The following CPNE4 variants were observed in gnomAD, a reference collection of about 807,000 sequenced individuals.
The protein encoded by CPNE4 is copine-4.
In CPNE4, 25 loss-of-function variants were observed where a neutral mutation model predicts 67.9. The ratio of observed to expected loss-of-function variants is 0.37; its 90% CI spans 0.27 to 0.51. The LOEUF is 0.51. Among genes scored for constraint, CPNE4 ranks in the 20% least tolerant of loss-of-function variants. The pLI is 0.93. For synonymous variants in CPNE4, 242 were observed against 244.9 expected, an observed-to-expected ratio of 0.99 and a Z score of 0.11; for missense variants, 464 against 690.8, an observed-to-expected ratio of 0.67 and a Z score of 3.68.
intron 7 of CPNE4, among the ~76,000 whole-genome samples, chr3:131,668,721 C>T (rs561920045): frequency 3.9e-5 from 6 of 152,240 alleles, no homozygotes; most frequent in South Asian, 2.1e-4. Flanking sequence ...CAACAAGGAA[C>T]GTCTAGACTT....
chr3:131,742,248 T>C (rs188483560), intron 2 of CPNE4, among the ~76,000 whole-genome samples: 1 of 152,310 alleles, frequency 6.6e-6, no homozygotes, highest in Admixed American at 6.5e-5. Flanking sequence ...ACAATAAGGC[T>C]GGATAAGGGA....
At chr3:131,650,607 T>C (rs2079786873) in intron 7 of CPNE4, among the ~76,000 whole-genome samples, 1 of 148,844 alleles carries the variant, frequency 6.7e-6, no homozygotes, top group Non-Finnish European at 1.5e-5. Flanking sequence ...TAGCCGGGCG[T>C]GGTGGTGGGC....
At chr3:131,564,614 A>G (rs752997518) in intron 10 of CPNE4, among the ~76,000 whole-genome samples, 1 of 152,156 alleles carries the variant, frequency 6.6e-6, no homozygotes, top group South Asian at 2.1e-4. Flanking sequence ...CATAGATCAG[A>G]AAGCCCAGAT....
chr3:131,892,096 G>A (rs903008857), intron 2 of CPNE4, among the ~76,000 whole-genome samples: 1 of 152,016 alleles, frequency 6.6e-6, no homozygotes, highest in African/African-American at 2.4e-5. Flanking sequence ...GAGTTCACGG[G>A]ACTCCATCTT....
chr3:131,594,771 T>C (rs1328980961), intron 7 of CPNE4, among the ~76,000 whole-genome samples: 1 of 152,228 alleles, frequency 6.6e-6, no homozygotes, highest in Non-Finnish European at 1.5e-5. Flanking sequence ...ACCTATGGAA[T>C]GGCATAAAAT....
At position 131,976,824 on chromosome 3, in the gene CPNE4, CAG is replaced by C. The variant is rs370692764; in HGVS notation, c.-2+57741_-2+57742del. Among the ~76,000 whole-genome samples, 137 of 149,548 alleles carry C rather than the reference CAG, an allele frequency of 9.2e-4. 4 individuals are homozygous for C. In the South Asian group the frequency reaches 0.028, roughly 30 times the overall value. On this transcript the variant is annotated intron_variant, in intron 1 of 15. Coordinates refer to ENST00000429747, the MANE Select transcript of CPNE4 (RefSeq NM_130808.3). ...CTTTTTTTTTTTTCTTTTTTTGAGA[CAG>C]AGTCTCACCGTGTCACCCAGGCTGG... is the stretch of plus-strand genomic sequence containing the variant.
chr3:131,741,370 G>A (rs1479816271), intron 2 of CPNE4, among the ~76,000 whole-genome samples: 1 of 152,136 alleles, frequency 6.6e-6, no homozygotes, highest in Non-Finnish European at 1.5e-5. Flanking sequence ...ATGAGATAAA[G>A]CTAGACAGTC....
At chr3:131,610,879 T>C (rs1939797595) in intron 7 of CPNE4, among the ~76,000 whole-genome samples, 1 of 152,116 alleles carries the variant, frequency 6.6e-6, no homozygotes, top group African/African-American at 2.4e-5. Context: ...GGGGAGTGGA[T>C]GGAAGACAAG....
At chr3:131,569,653 C>CAAA (rs71133700) in intron 10 of CPNE4, among the ~76,000 whole-genome samples, 2 of 96,396 alleles carry the variant, frequency 2.1e-5, no homozygotes. Context: ...ACAAAAAAAA[C>CAAA]AAAAAAAAAC....
intron 12 of CPNE4, among the ~76,000 whole-genome samples, 198 bp downstream of exon 12, chr3:131,555,299 A>T (rs1020979105): frequency 3.9e-5 from 6 of 152,036 alleles, no homozygotes; most frequent in Non-Finnish European, 1.5e-5. Flanking sequence ...GACCCATCCA[A>T]AATACCAGGA....
intron 7 of CPNE4, among the ~76,000 whole-genome samples, chr3:131,592,619 G>GTATACA (rs1389777966): frequency 6.7e-6 from 1 of 149,044 alleles, no homozygotes; most frequent in Non-Finnish European, 1.5e-5. Context: ...ATATATATGT[G>GTATACA]TGTGTATATA....
chr3:131,774,218 T>C (rs1488434990), intron 2 of CPNE4, among the ~76,000 whole-genome samples: 1 of 151,922 alleles, frequency 6.6e-6, no homozygotes, highest in East Asian at 1.9e-4. Context: ...AAACCCCAAA[T>C]GGCCTTTTGT....
chr3:131,609,359 C>G (rs1190822512), intron 7 of CPNE4, among the ~76,000 whole-genome samples: 2 of 152,152 alleles, frequency 1.3e-5, no homozygotes, highest in Non-Finnish European at 2.9e-5. Context: ...CATTTCCTAG[C>G]CATTTGACTA....
intron 7 of CPNE4, among the ~76,000 whole-genome samples, chr3:131,656,423 T>C (rs1285651445): frequency 6.6e-6 from 1 of 152,124 alleles, no homozygotes; most frequent in Non-Finnish European, 1.5e-5. Flanking sequence ...AATGAGTAGA[T>C]AAGAGGGGTA....
intron 6 of CPNE4, among the ~76,000 whole-genome samples, chr3:131,685,373 G>C (rs1434020361): frequency 6.6e-6 from 1 of 151,136 alleles, no homozygotes; most frequent in Non-Finnish European, 1.5e-5. Context: ...GGTTAGAAAG[G>C]CTCTTCTGAC....
At chr3:132,015,486 CTCTCT>C (rs897648080) in intron 1 of CPNE4, among the ~76,000 whole-genome samples, 3 of 149,380 alleles carry the variant, frequency 2.0e-5, no homozygotes, top group Non-Finnish European at 3.0e-5. Flanking sequence ...AAAAAGAGTC[CTCTCT>C]TCTAATTCCT....
At chr3:131,704,138 G>A (rs1052175609) in intron 3 of CPNE4, among the ~76,000 whole-genome samples, 10 of 152,052 alleles carry the variant, frequency 6.6e-5, no homozygotes, top group South Asian at 4.1e-4. Context: ...CAACCACTAC[G>A]GAGAACTAAG....
chr3:131,871,244 G>A (rs757959272), intron 2 of CPNE4, among the ~76,000 whole-genome samples: 1 of 152,142 alleles, frequency 6.6e-6, no homozygotes, highest in African/African-American at 2.4e-5. Flanking sequence ...AACTGAAGAT[G>A]GAACAGGAGA....
chr3:132,001,564 A>AAAGAAAGG, intron 1 of CPNE4, among the ~76,000 whole-genome samples: 1 of 134,596 alleles, frequency 7.4e-6, no homozygotes, highest in East Asian at 2.1e-4. Context: ...AGAAAGAAAG[A>AAAGAAAGG]AAGAAAGAAA....
Sources: allele counts gnomAD v4.1 joint callset (sites outside exome capture counted in the v4.1 genomes callset), GRCh38; gene constraint gnomAD v4.1.1; transcripts MANE v1.5; gene names NCBI Gene and HGNC (gene_info 2026-07-23, HGNC 2026-07-21).